Variants in MICU3 observed in about 807,000 individuals in gnomAD.
MICU3 encodes calcium uptake protein 3, mitochondrial.
Under a neutral mutation model 66.5 loss-of-function variants are expected in MICU3, and 62 were observed. That is an observed-to-expected ratio of 0.93 (90% confidence interval 0.76 to 1.15). The LOEUF is 1.15. MICU3 is among the 50% of genes most tolerant of loss of function. The pLI, the probability that MICU3 is intolerant of heterozygous loss-of-function variation, is 0.00. For synonymous variants in MICU3, 308 were observed against 240.7 expected (o/e 1.28, Z -2.59); for missense variants, 779 against 664.4 (o/e 1.17, Z -1.90).
intron 1 of MICU3, among the ~76,000 whole-genome samples, chr8:17,043,106 A>T (rs1206406362): frequency 6.6e-6 from 1 of 150,584 alleles, no homozygotes; most frequent in Non-Finnish European, 1.5e-5. Context: ...CGCCCGGCTA[A>T]TTTTTTGTAT....
At chr8:17,046,411 T>G (rs1209972851) in intron 1 of MICU3, among the ~76,000 whole-genome samples, 1 of 152,194 alleles carries the variant, frequency 6.6e-6, no homozygotes, top group Non-Finnish European at 1.5e-5. Flanking sequence ...AAAACATGGT[T>G]TAAGCGTTTA....
chr8:17,076,496 C>A (rs1820407709), intron 3 of MICU3, among the ~76,000 whole-genome samples: 1 of 152,042 alleles, frequency 6.6e-6, no homozygotes, highest in Non-Finnish European at 1.5e-5. Flanking sequence ...CATCTTTTAC[C>A]TGCAGTGCAG....
chr8:17,107,076 C>G (rs548168890), intron 11 of MICU3, among the ~76,000 whole-genome samples: 212 of 152,256 alleles, frequency 1.4e-3, no homozygotes, highest in Middle Eastern at 0.01. Flanking sequence ...CTACTATTTA[C>G]TTGGCTTTAT....
rs927147333 is a variant in MICU3 at position 17,054,841 on chromosome 8, C to T, written c.382-9243C>T. On this transcript the variant is annotated intron_variant, in intron 1 of 14. Transcript: ENST00000318063. Reference sequence around the variant, plus strand: ...GCAACCTCTGCCTCCCGGGTTCAAGCGATTCTCCTGCCTCAGCCTCCCAAG... The same window carrying T: ...GCAACCTCTGCCTCCCGGGTTCAAGTGATTCTCCTGCCTCAGCCTCCCAAG... Among the ~76,000 whole-genome samples the T allele has an allele frequency of 5.4e-5, 8 of 148,716 alleles. No homozygotes were observed. The East Asian group carries it at 6.2e-4, about 12-fold the overall frequency.
intron 3 of MICU3, 29 bp from the exon 4 acceptor site, chr8:17,077,754 A>G (rs368380392): frequency 2.0e-5 from 30 of 1,496,786 alleles, no homozygotes; most frequent in African/African-American, 1.7e-4. Context: ...TTGTTTACCA[A>G]TTCATCAGTA....
intron 6 of MICU3, among the ~76,000 whole-genome samples, chr8:17,086,506 T>G (rs754597288): frequency 6.6e-6 from 1 of 152,060 alleles, no homozygotes; most frequent in Non-Finnish European, 1.5e-5. Context: ...TTGATTACAA[T>G]AGATATAGAT....
the MICU3 span, among the ~76,000 whole-genome samples, chr8:17,130,088 T>C: frequency 6.6e-6 from 1 of 152,222 alleles, no homozygotes; most frequent in African/African-American, 2.4e-5. Context: ...CCAGCAGACC[T>C]GCACACTGGA....
intron 3 of MICU3, among the ~76,000 whole-genome samples, chr8:17,074,054 GGT>G (rs1820002659): frequency 6.7e-6 from 1 of 149,438 alleles, no homozygotes; most frequent in Admixed American, 6.7e-5. Context: ...TTTTCTTTTT[GGT>G]TTTTTTTTTT....
chr8:17,054,623 A>C (rs925690593), intron 1 of MICU3, among the ~76,000 whole-genome samples: 5 of 152,090 alleles, frequency 3.3e-5, no homozygotes, highest in African/African-American at 1.2e-4. Context: ...TCCCTTAGGT[A>C]ATGTGGGTAG....
intron 13 of MICU3, 95 bp downstream of exon 13, chr8:17,116,695 A>G: frequency 2.1e-6 from 2 of 965,036 alleles, no homozygotes; most frequent in Non-Finnish European, 3.0e-6. Flanking sequence ...TTAATTTCTT[A>G]AGGATATAAA....
chr8:17,109,477 T>C (rs998510818), intron 11 of MICU3, among the ~76,000 whole-genome samples: 1 of 152,046 alleles, frequency 6.6e-6, no homozygotes, highest in African/African-American at 2.4e-5. Context: ...ATCTATAGAA[T>C]AGAATAAGGT....
At chr8:17,030,003 C>G (rs760742412) in intron 1 of MICU3, among the ~76,000 whole-genome samples, 2 of 152,232 alleles carry the variant, frequency 1.3e-5, no homozygotes, top group East Asian at 3.9e-4. Context: ...ATCTTCCAAC[C>G]TTCCTACTGA....
intron 11 of MICU3, among the ~76,000 whole-genome samples, chr8:17,108,261 G>C (rs1021704197): frequency 2.6e-5 from 4 of 152,128 alleles, no homozygotes; most frequent in Non-Finnish European, 4.4e-5. Context: ...AAGCAGGCAA[G>C]TTGGATATGT....
intron 1 of MICU3, among the ~76,000 whole-genome samples, chr8:17,059,844 A>T (rs1817546319): frequency 6.6e-6 from 1 of 152,200 alleles, no homozygotes; most frequent in African/African-American, 2.4e-5. Context: ...ATAGTTGAAG[A>T]CTTGATTAAA....
intron 1 of MICU3, among the ~76,000 whole-genome samples, chr8:17,052,632 A>G (rs1205798110): frequency 1.3e-5 from 2 of 152,154 alleles, no homozygotes; most frequent in Non-Finnish European, 2.9e-5. Flanking sequence ...GGGAAGTACT[A>G]TTAGCTTGTC....
At chr8:17,104,985 A>C in intron 10 of MICU3, among the ~76,000 whole-genome samples, 1 of 26,692 alleles carries the variant, frequency 3.7e-5, no homozygotes, top group African/African-American at 1.1e-3. Flanking sequence ...ACAGAGCGAG[A>C]CTCCGTCTCA....
intron 1 of MICU3, among the ~76,000 whole-genome samples, chr8:17,060,953 C>A (rs781432873): frequency 6.6e-6 from 1 of 152,012 alleles, no homozygotes; most frequent in African/African-American, 2.4e-5. Flanking sequence ...GGAGTGGATT[C>A]GTAAAGTGGA....
At chr8:17,127,307 G>A (rs1211676309), downstream of MICU3, among the ~76,000 whole-genome samples, 1 of 152,200 alleles carries the variant, frequency 6.6e-6, no homozygotes, top group Non-Finnish European at 1.5e-5. Context: ...ATTACAGTGA[G>A]TGTACAGAAG....
At chr8:17,034,525 A>G (rs1440727397) in intron 1 of MICU3, among the ~76,000 whole-genome samples, 2 of 152,226 alleles carry the variant, frequency 1.3e-5, no homozygotes, top group African/African-American at 4.8e-5. Context: ...AACTTTCTGG[A>G]AAGGATTTAC....
Sources: allele counts gnomAD v4.1 joint callset (sites outside exome capture counted in the v4.1 genomes callset), GRCh38; gene constraint gnomAD v4.1.1; transcripts MANE v1.5; gene names NCBI Gene and HGNC (gene_info 2026-07-23, HGNC 2026-07-21).